Variants in MTUS1 observed in about 807,000 individuals in gnomAD.
MTUS1 encodes microtubule-associated tumor suppressor 1.
MTUS1 carries 109 observed loss-of-function variants against 120.8 expected under a neutral mutation model. The observed-to-expected ratio is 0.90, with a 90% CI of 0.77 to 1.06. The LOEUF (loss-of-function observed/expected upper bound fraction) is 1.06. Among genes scored for constraint, MTUS1 ranks in the 50% least tolerant of loss-of-function variants. The pLI, the probability that MTUS1 is intolerant of heterozygous loss-of-function variation, is 0.00. For synonymous variants in MTUS1, 737 were observed against 550.5 expected (o/e 1.34, Z -4.74); for missense variants, 2,210 against 1,486.3 (o/e 1.49, Z -8.01).
intron 11 of MTUS1, 53 bp downstream of exon 11, chr8:17,653,372 C>T (rs146352032): frequency 7.1e-6 from 11 of 1,538,510 alleles, no homozygotes; most frequent in Middle Eastern, 1.7e-4. Flanking sequence ...CAAACAAAAT[C>T]AAAAATGATA....
rs1236133430 is a variant in MTUS1, at chr8:17,754,645, G to A, written c.1163C>T (p.Thr388Ile). 6.2e-7 allele frequency: 1 copy of A among 1,614,172 alleles called. No homozygotes were observed. The highest frequency in any genetic ancestry group is 2.2e-5 in the East Asian group (1 of 44,878). Residue 388 changes from threonine (T) to isoleucine (I), a missense_variant, in exon 2 of 15, where the codon ACC becomes ATC. By Grantham distance (89) the Thr-to-Ile change is moderately conservative. Transcript: ENST00000693296. ...QMVSKGKDLG[T>I]QNHTSELILS... ...AATCAATTCTGAGGTATGATTTTGG[G>A]TTCCCAAATCCTTTCCTTTGGAGAC...
intron 2 of MTUS1, among the ~76,000 whole-genome samples, chr8:17,752,097 T>C (rs2048246036): frequency 6.6e-6 from 1 of 152,092 alleles, no homozygotes; most frequent in Non-Finnish European, 1.5e-5. Flanking sequence ...ATCGGGAGCC[T>C]GAAAAACAGG....
rs10596467 is a variant in MTUS1, at chr8:17,679,356, CGTGTGTGT to C, written c.2839-4112_2839-4105del. On this transcript the variant is annotated intron_variant, in intron 7 of 14. Transcript: ENST00000693296. ...ATATACATATGCATGTGTGCGCGCG[CGTGTGTGT>C]GTGTGTGTGTGTGTATAAACACAGT... Among the ~76,000 whole-genome samples the C allele has an allele frequency of 5.8e-3, 649 of 112,584 alleles. 13 individuals are homozygous for C. The highest frequency in any genetic ancestry group is 0.018 in the African/African-American group (634 of 35,638). The allele number at this position is 112,584 out of a possible 152,430, so 73.9% of individuals were successfully genotyped here.
intron 8 of MTUS1, among the ~76,000 whole-genome samples, chr8:17,668,520 C>G (rs1167172084): frequency 2.0e-5 from 3 of 152,188 alleles, no homozygotes; most frequent in African/African-American, 7.2e-5. Flanking sequence ...CCAAGGCTGA[C>G]ACTTTCAAAA....
At chr8:17,723,040 C>T (rs191497358) in intron 4 of MTUS1, among the ~76,000 whole-genome samples, 47 of 152,270 alleles carry the variant, frequency 3.1e-4, no homozygotes, top group Middle Eastern at 3.4e-3. Context: ...CTCCTCACTG[C>T]GCCTATCATG....
At chr8:17,801,149 C>T (rs955966568), upstream of MTUS1, among the ~76,000 whole-genome samples, 1 of 151,736 alleles carries the variant, frequency 6.6e-6, no homozygotes, top group African/African-American at 2.4e-5. Context: ...CGCCGAGAAC[C>T]CGCCCCGGAG....
intron 8 of MTUS1, among the ~76,000 whole-genome samples, chr8:17,669,034 C>T (rs11203889): frequency 6.6e-6 from 1 of 152,132 alleles, no homozygotes; most frequent in South Asian, 2.1e-4. Context: ...TAAGCACCTG[C>T]TAAGTGCCAA....
chr8:17,704,771 T>C (rs1006924882), intron 6 of MTUS1, among the ~76,000 whole-genome samples: 41 of 152,310 alleles, frequency 2.7e-4, no homozygotes, highest in Admixed American at 1.7e-3. Context: ...TATATGACTT[T>C]TGGGATTGTT....
intron 6 of MTUS1, among the ~76,000 whole-genome samples, chr8:17,710,779 C>G (rs945666637): frequency 4.6e-5 from 7 of 152,324 alleles, no homozygotes; most frequent in Admixed American, 4.6e-4. Context: ...CAATGTACTT[C>G]TTAAATAGTA....
chr8:17,723,931 A>G, intron 3 of MTUS1, 98 bp from the exon 4 acceptor site: 2 of 913,480 alleles, frequency 2.2e-6, no homozygotes, highest in Non-Finnish European at 3.3e-6. Flanking sequence ...CTAACAACAA[A>G]GTCAAAACAC....
rs146965470 is a variant in MTUS1, at chr8:17,787,180, G to C, written c.-155+13881C>G. On this transcript the variant is annotated intron_variant, in intron 1 of 14. Coordinates refer to ENST00000693296, the MANE Select transcript of MTUS1 (RefSeq NM_001363059.2). ...AATTCCACTGCTCCACGCCAGGCCA[G>C]CACAGTTTGTGAGGCCAGGATGAGG... Among the ~76,000 whole-genome samples the C allele has an allele frequency of 8.5e-5, 13 of 152,332 alleles. No homozygotes were observed. The East Asian group carries it at 2.5e-3, about 29-fold the overall frequency.
chr8:17,712,355 G>C (rs1331290397), intron 6 of MTUS1, among the ~76,000 whole-genome samples: 1 of 147,686 alleles, frequency 6.8e-6, no homozygotes, highest in African/African-American at 2.5e-5. Flanking sequence ...TTTTTTTTTT[G>C]AGACAGGGTC....
Position 17,754,607 on chromosome 8 carries a change from G to A in MTUS1, c.1201C>T (p.Pro401Ser). 1 of 1,614,126 alleles carries A rather than the reference G, an allele frequency of 6.2e-7. No homozygotes were observed. The highest frequency in any genetic ancestry group is 2.2e-5 in the East Asian group (1 of 44,876). The change falls in exon 2 of 15, where the codon CCA becomes TCA. Residue 401 changes from proline (P) to serine (S), a missense_variant. By Grantham distance (74) the Pro-to-Ser change is moderately conservative (BLOSUM62 -1). Coordinates refer to ENST00000693296, the MANE Select transcript of MTUS1 (RefSeq NM_001363059.2). ...AATGACGAGCCCACCTTTTGTCCTG[G>A]CGGGCTACTTAGAATCAATTCTGAG... is the stretch of plus-strand genomic sequence containing the variant. Reference protein sequence around the residue: ...HTSELILSSPPGQKVGSSFGL... With the variant: ...HTSELILSSPSGQKVGSSFGL...
chr8:17,684,267 G>T (rs1815256877), intron 7 of MTUS1, 61 bp downstream of exon 7: 2 of 1,231,402 alleles, frequency 1.6e-6, no homozygotes, highest in South Asian at 2.4e-5. Flanking sequence ...GTGTGAGCAA[G>T]TCCTCCCCGT....
At chr8:17,694,613 G>A (rs1585747857) in intron 6 of MTUS1, among the ~76,000 whole-genome samples, 1 of 151,890 alleles carries the variant, frequency 6.6e-6, no homozygotes, top group Non-Finnish European at 1.5e-5. Flanking sequence ...GGTTGCAGTG[G>A]GCCCAGACAG....
chr8:17,669,431 A>G (rs1316876644), intron 8 of MTUS1, among the ~76,000 whole-genome samples: 1 of 152,196 alleles, frequency 6.6e-6, no homozygotes, highest in Non-Finnish European at 1.5e-5. Flanking sequence ...CAAAGGGGAA[A>G]GAGTGCCTAG....
intron 6 of MTUS1, among the ~76,000 whole-genome samples, chr8:17,694,209 G>C (rs754407873): frequency 2.6e-5 from 4 of 152,164 alleles, no homozygotes; most frequent in Non-Finnish European, 5.9e-5. Context: ...TTATAGGTGT[G>C]AGCCAGTGGC....
At chr8:17,801,170 C>T (rs1586489516), upstream of MTUS1, among the ~76,000 whole-genome samples, 1 of 151,704 alleles carries the variant, frequency 6.6e-6, no homozygotes, top group South Asian at 2.1e-4. Context: ...GTCTCGGGGG[C>T]GGCGTCTGCA....
chr8:17,774,972 A>G, intron 1 of MTUS1, among the ~76,000 whole-genome samples: 1 of 8,004 alleles, frequency 1.2e-4, no homozygotes, highest in South Asian at 8.0e-4. Flanking sequence ...TATTATAAGT[A>G]AAAAAAAAAA....
Sources: gnomAD v4.1 joint callset for allele counts (sites outside exome capture counted in the v4.1 genomes callset) on GRCh38, gnomAD v4.1.1 for gene constraint, MANE v1.5 for transcripts, NCBI Gene and HGNC (gene_info 2026-07-23, HGNC 2026-07-21) for gene names.